ZBTB16: variants seen among roughly 807,000 people sequenced by gnomAD.
ZBTB16 encodes zinc finger and BTB domain-containing protein 16.
ZBTB16 carries 8 observed loss-of-function variants against 56.8 expected under a neutral mutation model. That is an observed-to-expected ratio of 0.14 (90% CI 0.08 to 0.25). The LOEUF is 0.25. Ranked by LOEUF, ZBTB16 falls within the 10% of genes least tolerant of loss-of-function variation. The pLI is 1.00. For missense variants in ZBTB16, 625 were observed against 903.0 expected (o/e 0.69, Z 3.95); for synonymous variants, 363 against 368.5 (o/e 0.98, Z 0.17).
chr11:114,197,812 T>G (rs1943643152), intron 4 of ZBTB16, among the ~76,000 whole-genome samples: 1 of 152,060 alleles, frequency 6.6e-6, no homozygotes, highest in Admixed American at 6.5e-5. Context: ...GCAGCAACGC[T>G]CCTTCCCTCA....
At chr11:114,233,001 C>T in intron 4 of ZBTB16, among the ~76,000 whole-genome samples, 1 of 151,384 alleles carries the variant, frequency 6.6e-6, no homozygotes, top group African/African-American at 2.4e-5. Context: ...GGGCTGCATA[C>T]CTCTCCGGAT....
At chr11:114,089,831 G>A (rs1221222607) in intron 2 of ZBTB16, among the ~76,000 whole-genome samples, 4 of 152,208 alleles carry the variant, frequency 2.6e-5, no homozygotes, top group African/African-American at 4.8e-5. Context: ...TCTAGACTTC[G>A]CAGGTAAAAC....
At chr11:114,114,155 G>A (rs1941102769) in intron 2 of ZBTB16, among the ~76,000 whole-genome samples, 1 of 152,232 alleles carries the variant, frequency 6.6e-6, no homozygotes, top group Admixed American at 6.5e-5. Context: ...TGATATTCTA[G>A]TTGACAATGA....
chr11:114,122,474 A>G (rs1591688117), intron 2 of ZBTB16, among the ~76,000 whole-genome samples: 1 of 152,148 alleles, frequency 6.6e-6, no homozygotes, highest in Admixed American at 6.5e-5. Context: ...TTTTTGGTGG[A>G]AAGTAAAATA....
At chr11:114,157,832 C>T (rs1447810010) in intron 3 of ZBTB16, among the ~76,000 whole-genome samples, 1 of 152,156 alleles carries the variant, frequency 6.6e-6, no homozygotes, top group Non-Finnish European at 1.5e-5. Context: ...TCTCTCAGCG[C>T]GTCTACTGTC....
At chr11:114,163,545 G>A (rs779542232) in intron 3 of ZBTB16, among the ~76,000 whole-genome samples, 41 of 152,190 alleles carry the variant, frequency 2.7e-4, no homozygotes, top group African/African-American at 7.9e-4. Context: ...TTAGTGCTGC[G>A]GTTTTGCGTG....
intron 4 of ZBTB16, among the ~76,000 whole-genome samples, chr11:114,197,057 G>T (rs983880531): frequency 5.3e-5 from 8 of 152,094 alleles, no homozygotes; most frequent in Non-Finnish European, 1.2e-4. Context: ...TTGAAAAAGG[G>T]GGTCAGTTAA....
In ZBTB16 at chr11:114,063,198, T is replaced by C. The variant is rs1938951731; in HGVS notation, c.-90-13T>C. On this transcript the variant is annotated splice_polypyrimidine_tract_variant and intron_variant, in intron 1 of 6. Transcript: ENST00000335953. The surrounding 1 kb of genome is among the most constrained non-coding windows in gnomAD (Gnocchi z 6.5). ...CTCATCTCTTTTGCTTCTTCCCCTC[T>C]TCTTTCTCCTAGCCTCCTCTATTGG... is the stretch of plus-strand genomic sequence containing the variant. The C allele has an allele frequency of 7.6e-7, 1 of 1,324,490 alleles. No individual in the cohort carries two copies. Among genetic ancestry groups the C allele is most frequent in the Non-Finnish European group, 1.1e-6 (1 of 951,690 alleles). 82.0% of individuals were successfully genotyped at this position (1,324,490 alleles called of 1,614,324 possible). A position where few individuals can be genotyped will look rare whatever the true frequency, so the allele number is the denominator to read the frequency against.
intron 3 of ZBTB16, among the ~76,000 whole-genome samples, chr11:114,182,258 C>T (rs1591758378): frequency 6.6e-6 from 1 of 152,146 alleles, no homozygotes; most frequent in East Asian, 1.9e-4. Flanking sequence ...CCATGTTGGC[C>T]AGCTTAGTCT....
intron 3 of ZBTB16, among the ~76,000 whole-genome samples, chr11:114,167,000 T>C (rs1278665115): frequency 6.6e-6 from 1 of 152,110 alleles, no homozygotes; most frequent in Non-Finnish European, 1.5e-5. Context: ...TCTTTCACTT[T>C]GGGTAAAGGA....
At chr11:114,192,125 C>T (rs116260336) in intron 4 of ZBTB16, among the ~76,000 whole-genome samples, 1 of 152,136 alleles carries the variant, frequency 6.6e-6, no homozygotes, top group Non-Finnish European at 1.5e-5. Context: ...TCTGAAGACT[C>T]GACTGGGCTG....
intron 2 of ZBTB16, among the ~76,000 whole-genome samples, chr11:114,081,988 G>T (rs998087194): frequency 2.6e-5 from 4 of 151,944 alleles, no homozygotes; most frequent in Admixed American, 6.6e-5. Flanking sequence ...TGGCCATCAA[G>T]GACTGTGAAC....
At chr11:114,175,967 C>T (rs1192888909) in intron 3 of ZBTB16, among the ~76,000 whole-genome samples, 1 of 147,700 alleles carries the variant, frequency 6.8e-6, no homozygotes, top group Non-Finnish European at 1.5e-5. Flanking sequence ...GAATCCTACT[C>T]AGGGGAGAGG....
At chr11:114,078,165 C>T (rs144845380) in intron 2 of ZBTB16, among the ~76,000 whole-genome samples, 4 of 152,316 alleles carry the variant, frequency 2.6e-5, no homozygotes, top group African/African-American at 7.2e-5. Context: ...GCTTCCTGCC[C>T]TCACCTACTT....
chr11:114,234,197 G>A (rs1188485758), intron 4 of ZBTB16, among the ~76,000 whole-genome samples: 1 of 152,218 alleles, frequency 6.6e-6, no homozygotes, highest in Non-Finnish European at 1.5e-5. Flanking sequence ...GGAAAAAGGG[G>A]CAGAGAGGGC....
chr11:114,121,481 A>G (rs1591687206), intron 2 of ZBTB16, among the ~76,000 whole-genome samples: 1 of 152,096 alleles, frequency 6.6e-6, no homozygotes, highest in East Asian at 1.9e-4. Context: ...TCTTATTCTC[A>G]TGCCTGGTTC....
At chr11:114,137,012 G>A (rs569974451) in intron 2 of ZBTB16, among the ~76,000 whole-genome samples, 17 of 152,220 alleles carry the variant, frequency 1.1e-4, no homozygotes, top group African/African-American at 3.9e-4. Flanking sequence ...TATTCTGGGA[G>A]ATCTGTCTGG....
rs10526570 is a variant in ZBTB16 at position 114,075,629 on chromosome 11, G to GTATATATATATATATATATATA, written c.1268+11080_1268+11081insATATATATATATATATATATAT. ...GCACCACCACACCTGGCTAATTTTT[G>GTATATATATATATATATATATA]TATATATATATATATATATTTAGTA... On this transcript the variant is annotated intron_variant, in intron 2 of 6. Transcript: ENST00000335953. 2.6e-3 allele frequency among the ~76,000 whole-genome samples: 364 copies of GTATATATATATATATATATATA among 140,980 alleles called. 6 individuals are homozygous for GTATATATATATATATATATATA. Among genetic ancestry groups the GTATATATATATATATATATATA allele is most frequent in the African/African-American group, 9.5e-3 (330 of 34,622 alleles). The allele number at this position is 140,980 out of a possible 152,430, so 92.5% of individuals were successfully genotyped here. A position where few individuals can be genotyped will look rare whatever the true frequency, so the allele number is the denominator to read the frequency against.
chr11:114,104,882 A>C (rs1316714793), intron 2 of ZBTB16, among the ~76,000 whole-genome samples: 1 of 152,108 alleles, frequency 6.6e-6, no homozygotes, highest in African/African-American at 2.4e-5. Context: ...GAGTCATTGC[A>C]ACCATTTTGA....
Sources: allele counts gnomAD v4.1 joint callset (sites outside exome capture counted in the v4.1 genomes callset), GRCh38; gene constraint gnomAD v4.1.1; non-coding constraint Gnocchi (gnomAD v3.1); transcripts MANE v1.5; gene names NCBI Gene and HGNC (gene_info 2026-07-23, HGNC 2026-07-21).